CTDSPL: variants seen among roughly 807,000 people sequenced by gnomAD.
CTDSPL encodes the protein CTD small phosphatase like.
In CTDSPL, 8 loss-of-function variants were observed where a neutral mutation model predicts 30.5. That is an observed-to-expected ratio of 0.26 (90% CI 0.15 to 0.47). The LOEUF (loss-of-function observed/expected upper bound fraction) is 0.47. CTDSPL is among the 20% of genes least tolerant of loss of function. The probability of loss-of-function intolerance (pLI) is 0.99; values close to 1 mark genes in which losing one functional copy is unlikely to be tolerated. For missense variants in CTDSPL, 248 were observed against 366.1 expected, an observed-to-expected ratio of 0.68 and a Z score of 2.63; for synonymous variants, 110 against 137.9, an observed-to-expected ratio of 0.80 and a Z score of 1.42.
intron 1 of CTDSPL, among the ~76,000 whole-genome samples, chr3:37,878,611 A>G (rs1575278314): frequency 6.6e-6 from 1 of 152,238 alleles, no homozygotes; most frequent in Non-Finnish European, 1.5e-5. Flanking sequence ...ATTTTTGGTC[A>G]TGATTTAAAC....
At chr3:37,918,027 A>G (rs1028341455) in intron 1 of CTDSPL, among the ~76,000 whole-genome samples, 11 of 152,170 alleles carry the variant, frequency 7.2e-5, no homozygotes, top group African/African-American at 2.7e-4. Flanking sequence ...ATCTGAGGGG[A>G]TTCTAAGTGA....
intron 1 of CTDSPL, among the ~76,000 whole-genome samples, chr3:37,895,106 G>C (rs917370125): frequency 6.6e-6 from 1 of 152,070 alleles, no homozygotes; most frequent in African/African-American, 2.4e-5. Context: ...AATAATTTTG[G>C]ATTGTATTTT....
rs773675797 is a variant in CTDSPL at position 37,931,031 on chromosome 3, T to C, written c.80-16026T>C. Among the ~76,000 whole-genome samples the C allele has an allele frequency of 1.5e-4, 23 of 152,202 alleles. No homozygotes were observed. In the South Asian group the frequency reaches 1.9e-3, roughly 12 times the overall value. ...TTTTTTCCGTTTACATGGAATATCT[T>C]TTTCCATCCTTTCACTTTCAGCCTA... On this transcript the variant is annotated intron_variant, in intron 1 of 7. Transcript: ENST00000273179.
At chr3:37,950,007 C>T (rs1275101968) in intron 2 of CTDSPL, among the ~76,000 whole-genome samples, 1 of 152,248 alleles carries the variant, frequency 6.6e-6, no homozygotes, top group Non-Finnish European at 1.5e-5. Flanking sequence ...ATGAGGTCAA[C>T]TAGCCAGAAG....
chr3:37,883,819 T>G (rs1032856339), intron 1 of CTDSPL, among the ~76,000 whole-genome samples: 1 of 152,256 alleles, frequency 6.6e-6, no homozygotes, highest in Non-Finnish European at 1.5e-5. Flanking sequence ...TTTGACAAGT[T>G]TCTTCTTCCT....
At chr3:37,948,067 T>G (rs569337885) in intron 2 of CTDSPL, among the ~76,000 whole-genome samples, 18 of 152,294 alleles carry the variant, frequency 1.2e-4, no homozygotes, top group Admixed American at 6.5e-5. Context: ...GCAGATCACC[T>G]GAGGTCAGGA....
At chr3:37,874,785 CAA>C (rs1698117417) in intron 1 of CTDSPL, among the ~76,000 whole-genome samples, 1 of 152,044 alleles carries the variant, frequency 6.6e-6, no homozygotes, top group Admixed American at 6.6e-5. Flanking sequence ...CGCACACACA[CAA>C]GTTTCTTCAT....
intron 1 of CTDSPL, among the ~76,000 whole-genome samples, chr3:37,912,081 T>A (rs550030831): frequency 6.6e-6 from 1 of 152,306 alleles, no homozygotes; most frequent in South Asian, 2.1e-4. Context: ...TAGGAAAACC[T>A]CTTCAGTTAA....
chr3:37,897,526 ATGAGT>A (rs1277547259), intron 1 of CTDSPL, among the ~76,000 whole-genome samples: 1 of 152,182 alleles, frequency 6.6e-6, no homozygotes, highest in Non-Finnish European at 1.5e-5. Flanking sequence ...CTCTTACTGT[ATGAGT>A]TTTTAGCCAT....
At chr3:37,921,638 C>T (rs1698717229) in intron 1 of CTDSPL, among the ~76,000 whole-genome samples, 1 of 152,060 alleles carries the variant, frequency 6.6e-6, no homozygotes, top group South Asian at 2.1e-4. Flanking sequence ...CACACACACA[C>T]ACACACTCAC....
intron 1 of CTDSPL, among the ~76,000 whole-genome samples, chr3:37,894,199 AG>A (rs1380564719): frequency 1.3e-5 from 2 of 152,156 alleles, no homozygotes; most frequent in Admixed American, 1.3e-4. Context: ...CACCTGCCTC[AG>A]CCTCTCGAGT....
chr3:37,951,883 A>C (rs1699113682), intron 2 of CTDSPL, among the ~76,000 whole-genome samples: 1 of 152,198 alleles, frequency 6.6e-6, no homozygotes, highest in African/African-American at 2.4e-5. Context: ...CATAAATAAT[A>C]GTCATAAAAC....
intron 1 of CTDSPL, among the ~76,000 whole-genome samples, chr3:37,946,114 C>T (rs1490080411): frequency 6.6e-6 from 1 of 152,228 alleles, no homozygotes; most frequent in Non-Finnish European, 1.5e-5. Flanking sequence ...ACCACTGATC[C>T]GCCCAGGCAT....
intron 5 of CTDSPL, among the ~76,000 whole-genome samples, chr3:37,970,497 G>A (rs1298268250): frequency 6.6e-6 from 1 of 152,150 alleles, no homozygotes; most frequent in Non-Finnish European, 1.5e-5. Context: ...TAGTGAAGTG[G>A]CTAATTTCAA....
At chr3:37,969,397 G>A (rs1357595911) in intron 5 of CTDSPL, 4 of 527,592 alleles carry the variant, frequency 7.6e-6, no homozygotes, top group South Asian at 4.3e-5. Flanking sequence ...AGGCCCTGGC[G>A]AAGGCCGTGG....
intron 1 of CTDSPL, among the ~76,000 whole-genome samples, chr3:37,874,654 C>T (rs1050467118): frequency 4.6e-5 from 7 of 152,070 alleles, no homozygotes; most frequent in Admixed American, 1.3e-4. Context: ...TGCTTGAATC[C>T]GGAAGGCGGA....
intron 1 of CTDSPL, among the ~76,000 whole-genome samples, chr3:37,889,023 A>C (rs1310987748): frequency 1.3e-5 from 2 of 152,226 alleles, no homozygotes; most frequent in Non-Finnish European, 2.9e-5. Context: ...GGTCTTTTAA[A>C]ATAAATCAAA....
chr3:37,956,895 C>G (rs554028199), intron 2 of CTDSPL, among the ~76,000 whole-genome samples: 1 of 152,286 alleles, frequency 6.6e-6, no homozygotes, highest in Admixed American at 6.5e-5. Context: ...AGGAGCCCAG[C>G]CTGGCTTGTT....
Position 37,984,013 on chromosome 3 carries a change from A to G in CTDSPL, c.*3146A>G, listed in dbSNP as rs1048225255. The G allele has an allele frequency of 6.4e-5, 17 of 263,840 alleles. No individual in the cohort carries two copies. The highest frequency in any genetic ancestry group is 1.2e-4 in the Non-Finnish European group (15 of 125,942). 16.3% of individuals were successfully genotyped at this position (263,840 alleles called of 1,614,324 possible). ...ACCTGGCAACATTTTACAACCCTGT[A>G]TTTTTAAAGATGGCTTTCTAATAAA... On this transcript the variant is annotated 3_prime_UTR_variant, in exon 8 of 8. Coordinates refer to ENST00000273179, the MANE Select transcript of CTDSPL (RefSeq NM_001008392.2).
Sources: allele counts gnomAD v4.1 joint callset (sites outside exome capture counted in the v4.1 genomes callset), GRCh38; gene constraint gnomAD v4.1.1; transcripts MANE v1.5; gene names NCBI Gene and HGNC (gene_info 2026-07-23, HGNC 2026-07-21).